The following GLRA3 variants were observed in gnomAD, a reference collection of about 807,000 sequenced individuals.
GLRA3 encodes the protein glycine receptor alpha 3, also known as glycine receptor subunit alpha-3.
A neutral mutation model predicts 60.4 loss-of-function variants in GLRA3; 44 were observed. That is an observed-to-expected ratio of 0.73 (90% CI 0.57 to 0.94). The LOEUF (loss-of-function observed/expected upper bound fraction) is 0.94. Ranked by LOEUF, GLRA3 falls within the 40% of genes least tolerant of loss-of-function variation. The pLI is 0.00. For synonymous variants in GLRA3, 223 were observed against 192.9 expected (o/e 1.16, Z -1.29); for missense variants, 508 against 564.6 (o/e 0.90, Z 1.02).
chr4:174,818,256 G>A (rs1740587676), intron 1 of GLRA3, among the ~76,000 whole-genome samples: 1 of 152,034 alleles, frequency 6.6e-6, no homozygotes. Context: ...TCTTATAGAG[G>A]CATATATCTT....
chr4:174,805,631 C>A (rs999792942), intron 1 of GLRA3, among the ~76,000 whole-genome samples: 2 of 152,078 alleles, frequency 1.3e-5, no homozygotes, highest in Admixed American at 6.6e-5. Flanking sequence ...CTCCTGAATT[C>A]CTGACTCACA....
rs138408503 is a variant in GLRA3, at chr4:174,827,390, T to C, written c.71+1351A>G. On this transcript the variant is annotated intron_variant, in intron 1 of 9. Transcript: ENST00000274093. The stretch of plus-strand genomic sequence containing the variant: ...TCTAAGTATCTATCAACTAAGCTAA[T>C]CTGATTTCTTTGAAAAAAATGTATT... Among the ~76,000 whole-genome samples the C allele has an allele frequency of 1.7e-3, 251 of 151,796 alleles. 1 individual carries two copies. The highest frequency in any genetic ancestry group is 5.2e-3 in the African/African-American group (216 of 41,568).
intron 1 of GLRA3, among the ~76,000 whole-genome samples, chr4:174,798,760 T>TA (rs1175960165): frequency 1.3e-5 from 2 of 152,012 alleles, no homozygotes; most frequent in East Asian, 1.9e-4. Context: ...CCGTCTCTAC[T>TA]AAAAATACAA....
At chr4:174,820,607 T>C (rs1268789401) in intron 1 of GLRA3, among the ~76,000 whole-genome samples, 3 of 152,134 alleles carry the variant, frequency 2.0e-5, no homozygotes, top group African/African-American at 7.2e-5. Flanking sequence ...TCTTAGAGAA[T>C]GTGAAATGAG....
At chr4:174,767,363 G>A (rs900415739) in intron 2 of GLRA3, among the ~76,000 whole-genome samples, 5 of 151,822 alleles carry the variant, frequency 3.3e-5, no homozygotes, top group African/African-American at 4.8e-5. Flanking sequence ...TCTTTTCCCC[G>A]CTGCATGGGC....
At chr4:174,822,729 A>G (rs1431917362) in intron 1 of GLRA3, among the ~76,000 whole-genome samples, 1 of 152,188 alleles carries the variant, frequency 6.6e-6, no homozygotes, top group African/African-American at 2.4e-5. Flanking sequence ...AAATGTTTGT[A>G]TGTACTCATG....
intron 1 of GLRA3, among the ~76,000 whole-genome samples, chr4:174,793,573 C>A (rs1002141493): frequency 4.0e-5 from 6 of 151,872 alleles, no homozygotes; most frequent in African/African-American, 1.2e-4. Flanking sequence ...CTGTGTCAGC[C>A]GCCTAATGGG....
intron 5 of GLRA3, among the ~76,000 whole-genome samples, chr4:174,685,388 T>C (rs1417731403): frequency 6.6e-6 from 1 of 152,148 alleles, no homozygotes; most frequent in Non-Finnish European, 1.5e-5. Context: ...TAACCAGATC[T>C]CTTTAGACTG....
chr4:174,757,235 A>G (rs1737754851), intron 3 of GLRA3, among the ~76,000 whole-genome samples: 1 of 151,744 alleles, frequency 6.6e-6, no homozygotes, highest in African/African-American at 2.4e-5. Flanking sequence ...TATATTAATT[A>G]GAAACAATTG....
In GLRA3 at chr4:174,828,903, C is replaced by T. The variant is rs1269440279; in HGVS notation, c.-92G>A. On this transcript the variant is annotated 5_prime_UTR_variant, in exon 1 of 10. The change abolishes an upstream ATG in the 5' untranslated region. Transcript: ENST00000274093. ...AATGAAAATGTACAATCTAACCCCG[C>T]ATGGTGTTGGTGTAGACTGATGCTT... 1.1e-6 allele frequency: 1 copy of T among 898,514 alleles called. No individual in the cohort carries two copies. Among genetic ancestry groups the T allele is most frequent in the East Asian group, 2.4e-5 (1 of 41,396 alleles). The allele number at this position is 898,514 out of a possible 1,614,324, so 55.7% of individuals were successfully genotyped here.
At chr4:174,724,663 C>CA (rs1554015963) in intron 4 of GLRA3, among the ~76,000 whole-genome samples, 1 of 151,684 alleles carries the variant, frequency 6.6e-6, no homozygotes, top group Non-Finnish European at 1.5e-5. Context: ...TTATCATTTT[C>CA]TTTTTTTTAG....
chr4:174,703,156 A>T (rs895661506), intron 5 of GLRA3, among the ~76,000 whole-genome samples: 1 of 152,174 alleles, frequency 6.6e-6, no homozygotes, highest in African/African-American at 2.4e-5. Flanking sequence ...AGAGCTCAGA[A>T]ATTTGATTTG....
At chr4:174,690,110 C>A (rs1356612356) in intron 5 of GLRA3, among the ~76,000 whole-genome samples, 2 of 152,118 alleles carry the variant, frequency 1.3e-5, no homozygotes, top group Non-Finnish European at 2.9e-5. Flanking sequence ...AGACAAATAC[C>A]GCATGTTCTC....
intron 2 of GLRA3, among the ~76,000 whole-genome samples, chr4:174,768,662 T>C (rs1052570276): frequency 6.6e-6 from 1 of 152,106 alleles, no homozygotes; most frequent in Non-Finnish European, 1.5e-5. Flanking sequence ...ATTTAATCCA[T>C]AGTAACTCTG....
At position 174,826,163 on chromosome 4, in the gene GLRA3, C is replaced by A. The variant is rs180755110; in HGVS notation, c.71+2578G>T. ...TGATATTCATAACAGTAGTAACAAA[C>A]CCTAAGAAATACCCAAATACCCATC... On this transcript the variant is annotated intron_variant, in intron 1 of 9. Transcript: ENST00000274093. Among the ~76,000 whole-genome samples, 46 of 152,110 alleles carry A rather than the reference C, an allele frequency of 3.0e-4. 1 individual carries two copies. Among genetic ancestry groups the A allele is most frequent in the African/African-American group, 1.1e-3 (44 of 41,522 alleles).
At chr4:174,806,994 A>G (rs776194175) in intron 1 of GLRA3, among the ~76,000 whole-genome samples, 1 of 152,116 alleles carries the variant, frequency 6.6e-6, no homozygotes, top group Non-Finnish European at 1.5e-5. Flanking sequence ...AAACATATAC[A>G]TAATCAAGAC....
At chr4:174,690,911 C>T (rs568747639) in intron 5 of GLRA3, among the ~76,000 whole-genome samples, 4 of 152,198 alleles carry the variant, frequency 2.6e-5, no homozygotes, top group Non-Finnish European at 5.9e-5. Flanking sequence ...CTTTATCCAG[C>T]TTGTCATGGA....
intron 7 of GLRA3, among the ~76,000 whole-genome samples, chr4:174,665,071 GT>G (rs1733608973): frequency 6.6e-6 from 1 of 152,148 alleles, no homozygotes; most frequent in Non-Finnish European, 1.5e-5. Flanking sequence ...AGGAGGCTAT[GT>G]TAGATGGCAG....
At chr4:174,749,902 A>G (rs768955499) in intron 3 of GLRA3, among the ~76,000 whole-genome samples, 3 of 152,094 alleles carry the variant, frequency 2.0e-5, no homozygotes, top group Non-Finnish European at 4.4e-5. Context: ...GGAAAGAGTA[A>G]AAGTTCAAAT....
Sources: allele counts gnomAD v4.1 joint callset (sites outside exome capture counted in the v4.1 genomes callset), GRCh38; gene constraint gnomAD v4.1.1; transcripts MANE v1.5; gene names NCBI Gene and HGNC (gene_info 2026-07-23, HGNC 2026-07-21).